Variants in ZNF37A observed in about 807,000 individuals in gnomAD.
The protein encoded by ZNF37A is zinc finger protein 37a (KOX 21).
Under a neutral mutation model 12.3 loss-of-function variants are expected in ZNF37A, and 10 were observed. The ratio of observed to expected loss-of-function variants is 0.82; its 90% CI spans 0.50 to 1.38. ZNF37A has a LOEUF of 1.38. Among genes scored for constraint, ZNF37A ranks in the 40% most tolerant of loss-of-function variants. The probability of loss-of-function intolerance (pLI) is 0.00; values close to 1 mark genes in which losing one functional copy is unlikely to be tolerated. For missense variants in ZNF37A, 580 were observed against 651.2 expected (o/e 0.89, Z 1.19); for synonymous variants, 207 against 223.0 (o/e 0.93, Z 0.64).
chr10:38,147,675 A>C (rs2070271933), exon 8 of ZNF37A: 2 of 152,236 alleles, frequency 1.3e-5, no homozygotes, highest in African/African-American at 4.8e-5. Flanking sequence ...ATTTCAATGA[A>C]AAACAGAGCT....
chr10:38,106,193 G>A (rs562614590), intron 5 of ZNF37A, among the ~76,000 whole-genome samples: 5 of 151,642 alleles, frequency 3.3e-5, no homozygotes, highest in African/African-American at 7.3e-5. Context: ...TGGTGATACC[G>A]AGGCAAACAG....
exon 8 of ZNF37A, chr10:38,148,032 G>A (rs1470764315): frequency 1.3e-5 from 2 of 152,154 alleles, no homozygotes; most frequent in African/African-American, 4.8e-5. Flanking sequence ...TAGATATTGA[G>A]GGTATCAAGG....
In ZNF37A at chr10:38,097,775, A is replaced by C. The variant is rs1317313826; in HGVS notation, c.15+1143A>C. 6.0e-5 allele frequency among the ~76,000 whole-genome samples: 9 copies of C among 151,142 alleles called. No individual in the cohort carries two copies. The South Asian group carries it at 1.9e-3, about 32-fold the overall frequency. On this transcript the variant is annotated intron_variant, in intron 5 of 7. Coordinates refer to ENST00000685332, the MANE Select transcript of ZNF37A (RefSeq NM_001324250.3). ...AATAACTTTCAAGAGATTCTACCTAAAAAAAAAATTATGGTAAAATACACA... is the reference window on the plus strand; with the variant it reads ...AATAACTTTCAAGAGATTCTACCTACAAAAAAAATTATGGTAAAATACACA...
chr10:38,104,088 C>G (rs566406566), intron 5 of ZNF37A, among the ~76,000 whole-genome samples: 2 of 152,298 alleles, frequency 1.3e-5, no homozygotes, highest in South Asian at 4.1e-4. Flanking sequence ...GCTTTTCAAA[C>G]CCCTTATCCC....
At chr10:38,104,859 C>T (rs762420907) in intron 5 of ZNF37A, among the ~76,000 whole-genome samples, 2 of 152,060 alleles carry the variant, frequency 1.3e-5, no homozygotes, top group African/African-American at 4.8e-5. Context: ...AATGAGTTTA[C>T]GTAGACATTT....
downstream of ZNF37A, among the ~76,000 whole-genome samples, chr10:38,129,783 CAT>C (rs2069994468): frequency 6.6e-6 from 1 of 152,286 alleles, no homozygotes; most frequent in African/African-American, 2.4e-5. Context: ...TCCCAACTAA[CAT>C]ATGTTTGTAG....
chr10:38,130,590 A>G (rs2070010069), intron 7 of ZNF37A, among the ~76,000 whole-genome samples: 1 of 151,932 alleles, frequency 6.6e-6, no homozygotes, highest in Admixed American at 6.6e-5. Context: ...CCCCCCAGGT[A>G]GCTGGGATTA....
At chr10:38,117,291 A>T in intron 7 of ZNF37A, 99 bp from the exon 8 acceptor site, 3 of 1,496,890 alleles carry the variant, frequency 2.0e-6, no homozygotes, top group Non-Finnish European at 2.7e-6. Context: ...GTATGAGGAG[A>T]TAATGGCCTA....
At chr10:38,128,944 G>C (rs1267661290), downstream of ZNF37A, among the ~76,000 whole-genome samples, 5 of 152,024 alleles carry the variant, frequency 3.3e-5, no homozygotes, top group African/African-American at 4.8e-5. Flanking sequence ...AGTAGAGATG[G>C]GATTTCACTC....
At chr10:38,135,372 G>T (rs1391640539) in intron 7 of ZNF37A, among the ~76,000 whole-genome samples, 1 of 152,210 alleles carries the variant, frequency 6.6e-6, no homozygotes, top group Admixed American at 6.5e-5. Flanking sequence ...GTGACAGAGT[G>T]AGACTCCGTC....
At chr10:38,137,658 A>G (rs567305910) in intron 7 of ZNF37A, 2 of 152,326 alleles carry the variant, frequency 1.3e-5, no homozygotes, top group East Asian at 1.9e-4. Context: ...ATGGACCCCA[A>G]TGCCACATGA....
At chr10:38,128,877 C>CTGAG (rs1247672914), downstream of ZNF37A, among the ~76,000 whole-genome samples, 2 of 152,132 alleles carry the variant, frequency 1.3e-5, no homozygotes, top group Admixed American at 6.5e-5. Flanking sequence ...CCTCAGCCTC[C>CTGAG]TGAGTAGCTG....
intron 5 of ZNF37A, among the ~76,000 whole-genome samples, chr10:38,098,543 T>G (rs2067323216): frequency 6.6e-6 from 1 of 152,234 alleles, no homozygotes; most frequent in Non-Finnish European, 1.5e-5. Context: ...CATCTTAATA[T>G]TAAATCTTAT....
chr10:38,104,791 G>T (rs1452767649), intron 5 of ZNF37A, among the ~76,000 whole-genome samples: 1 of 149,598 alleles, frequency 6.7e-6, no homozygotes, highest in Non-Finnish European at 1.5e-5. Context: ...CACACACACA[G>T]AAATACACAT....
At position 38,111,484 on chromosome 10, in the gene ZNF37A, TA is replaced by T. The variant is rs201057446; in HGVS notation, c.16-3259del. Among the ~76,000 whole-genome samples the T allele has an allele frequency of 1.2e-3, 165 of 143,178 alleles. 1 individual carries two copies. The highest frequency in any genetic ancestry group is 1.8e-3 in the East Asian group (9 of 5,020). 93.9% of individuals were successfully genotyped at this position (143,178 alleles called of 152,430 possible). On this transcript the variant is annotated intron_variant, in intron 5 of 7. Coordinates refer to ENST00000685332, the MANE Select transcript of ZNF37A (RefSeq NM_001324250.3). ...TACCCCAGAACTTAAAGTATAATAA[TA>T]AAAAAAAAAAACTGTTGACTGTGGT...
At chr10:38,144,838 G>T (rs967262009) in intron 7 of ZNF37A, among the ~76,000 whole-genome samples, 2 of 151,972 alleles carry the variant, frequency 1.3e-5, no homozygotes, top group African/African-American at 4.8e-5. Flanking sequence ...ACTAAGTCTC[G>T]TATGCAGCAC....
chr10:38,116,364 A>G (rs2069270285), intron 7 of ZNF37A, among the ~76,000 whole-genome samples: 2 of 152,258 alleles, frequency 1.3e-5, no homozygotes, highest in African/African-American at 4.8e-5. Context: ...TTGTGCTTAA[A>G]TGAATTATAA....
downstream of ZNF37A, among the ~76,000 whole-genome samples, chr10:38,129,319 A>AAAAAAAAAAACAAAAAAAAAAAC: frequency 8.6e-6 from 1 of 116,228 alleles, no homozygotes; most frequent in African/African-American, 3.6e-5. Context: ...AAAAAAAAAA[A>AAAAAAAAAAACAAAAAAAAAAAC]AAACTATTAT....
At chr10:38,112,893 C>T (rs1450964241) in intron 5 of ZNF37A, among the ~76,000 whole-genome samples, 9 of 151,718 alleles carry the variant, frequency 5.9e-5, no homozygotes, top group South Asian at 2.1e-4. Flanking sequence ...CTGCACACTC[C>T]GCCTCCCAGG....
Sources: gnomAD v4.1 joint callset for allele counts (sites outside exome capture counted in the v4.1 genomes callset) on GRCh38, gnomAD v4.1.1 for gene constraint, MANE v1.5 for transcripts, NCBI Gene and HGNC (gene_info 2026-07-23, HGNC 2026-07-21) for gene names.